KCNB2: variants seen among roughly 807,000 people sequenced by gnomAD.
The protein encoded by KCNB2 is delayed rectifier potassium channel protein.
In KCNB2, 15 loss-of-function variants were observed where a neutral mutation model predicts 61.5. That is an observed-to-expected ratio of 0.24 (90% confidence interval 0.16 to 0.38). KCNB2 has a LOEUF of 0.38. KCNB2 is among the 10% of genes least tolerant of loss of function. The probability of loss-of-function intolerance (pLI) is 1.00; values close to 1 mark genes in which losing one functional copy is unlikely to be tolerated. For missense variants in KCNB2, 828 were observed against 1,125.2 expected, an observed-to-expected ratio of 0.74 and a Z score of 3.78; for synonymous variants, 457 against 446.0, an observed-to-expected ratio of 1.02 and a Z score of -0.31.
intron 1 of KCNB2, among the ~76,000 whole-genome samples, chr8:72,559,735 G>A (rs1563522777): frequency 6.6e-6 from 1 of 152,216 alleles, no homozygotes; most frequent in Non-Finnish European, 1.5e-5. Context: ...ACTTCGTGTA[G>A]TTTGGATTAG....
intron 2 of KCNB2, among the ~76,000 whole-genome samples, chr8:72,590,486 T>C (rs1807078105): frequency 6.6e-6 from 1 of 152,204 alleles, no homozygotes; most frequent in African/African-American, 2.4e-5. Flanking sequence ...CAGCATATCA[T>C]ATGACATACG....
intron 2 of KCNB2, among the ~76,000 whole-genome samples, chr8:72,923,193 A>G (rs2129008378): frequency 6.6e-6 from 1 of 152,228 alleles, no homozygotes; most frequent in Non-Finnish European, 1.5e-5. Flanking sequence ...GCCTTCAGGT[A>G]GAAGGCTTCA....
chr8:72,615,115 A>G (rs1805597781), intron 2 of KCNB2, among the ~76,000 whole-genome samples: 1 of 152,204 alleles, frequency 6.6e-6, no homozygotes, highest in African/African-American at 2.4e-5. Context: ...CTGTCCAGAA[A>G]GCAGGAGCAT....
intron 2 of KCNB2, among the ~76,000 whole-genome samples, chr8:72,622,234 T>G (rs1189593106): frequency 6.6e-6 from 1 of 152,164 alleles, no homozygotes; most frequent in Admixed American, 6.6e-5. Context: ...GTTTGCATAG[T>G]TTCAATAGGT....
At chr8:72,634,173 C>A (rs1371389742) in intron 2 of KCNB2, among the ~76,000 whole-genome samples, 1 of 152,118 alleles carries the variant, frequency 6.6e-6, no homozygotes. Flanking sequence ...GAAGTTCAGG[C>A]TGAAATATAG....
intron 2 of KCNB2, among the ~76,000 whole-genome samples, chr8:72,890,340 G>A (rs1449120408): frequency 4.6e-5 from 7 of 152,168 alleles, no homozygotes; most frequent in African/African-American, 7.2e-5. Context: ...TGGCAGAGGC[G>A]GAGATTGAAC....
chr8:72,825,875 T>C (rs1809588262), intron 2 of KCNB2, among the ~76,000 whole-genome samples: 1 of 152,228 alleles, frequency 6.6e-6, no homozygotes, highest in African/African-American at 2.4e-5. Context: ...ATAGTGTCCT[T>C]TGACACATAA....
chr8:72,774,647 C>T (rs1808616525), intron 2 of KCNB2, among the ~76,000 whole-genome samples: 1 of 152,020 alleles, frequency 6.6e-6, no homozygotes, highest in South Asian at 2.1e-4. Context: ...CCGCACCCAG[C>T]CCTGTCATCT....
At chr8:72,935,810 T>C (rs909477416) in intron 2 of KCNB2, 125 bp from the exon 3 acceptor site, 8 of 715,134 alleles carry the variant, frequency 1.1e-5, no homozygotes, top group Non-Finnish European at 9.8e-6. Flanking sequence ...TAAAATTACC[T>C]TCTTATAATC....
chr8:72,602,661 T>C (rs925426405), intron 2 of KCNB2, among the ~76,000 whole-genome samples: 2 of 152,134 alleles, frequency 1.3e-5, no homozygotes, highest in Admixed American at 1.3e-4. Context: ...TTTTATGGGT[T>C]GGGAATTCAG....
intron 2 of KCNB2, among the ~76,000 whole-genome samples, chr8:72,874,674 C>T (rs1255579569): frequency 1.3e-5 from 2 of 152,190 alleles, no homozygotes; most frequent in East Asian, 1.9e-4. Flanking sequence ...GCTCAGCTGC[C>T]GGAACCAAAC....
At chr8:72,729,815 G>A (rs914961518) in intron 2 of KCNB2, among the ~76,000 whole-genome samples, 2 of 151,916 alleles carry the variant, frequency 1.3e-5, no homozygotes, top group South Asian at 2.1e-4. Context: ...CCCGGGAGGC[G>A]GGGCTTGCGG....
chr8:72,832,404 G>T (rs1381919230), intron 2 of KCNB2, among the ~76,000 whole-genome samples: 1 of 152,128 alleles, frequency 6.6e-6, no homozygotes, highest in Admixed American at 6.5e-5. Context: ...AGTTTTAGAA[G>T]GATTGGAGGC....
intron 2 of KCNB2, among the ~76,000 whole-genome samples, chr8:72,773,559 G>A (rs1185116361): frequency 6.6e-6 from 1 of 152,158 alleles, no homozygotes. Context: ...AGATAGTAGA[G>A]GTTTTGCTCA....
chr8:72,767,050 C>T (rs1563379124), intron 2 of KCNB2, among the ~76,000 whole-genome samples: 1 of 152,098 alleles, frequency 6.6e-6, no homozygotes, highest in Non-Finnish European at 1.5e-5. Context: ...GACTTATTCA[C>T]TATCACGAGA....
intron 2 of KCNB2, among the ~76,000 whole-genome samples, chr8:72,657,954 C>G (rs1806318243): frequency 6.6e-6 from 1 of 152,186 alleles, no homozygotes; most frequent in Admixed American, 6.5e-5. Context: ...TCGATCAGCT[C>G]TTCCTCCATC....
intron 2 of KCNB2, among the ~76,000 whole-genome samples, chr8:72,783,682 G>T (rs1201296628): frequency 6.6e-6 from 1 of 152,136 alleles, no homozygotes; most frequent in Non-Finnish European, 1.5e-5. Context: ...TTGCTTGCTT[G>T]CTGTCATCCA....
intron 2 of KCNB2, among the ~76,000 whole-genome samples, chr8:72,835,666 C>A (rs1179016559): frequency 1.3e-5 from 2 of 152,166 alleles, no homozygotes; most frequent in African/African-American, 4.8e-5. Context: ...AAGTACAAAT[C>A]ACATATGGCA....
At chr8:72,897,088 A>G (rs769659974) in intron 2 of KCNB2, among the ~76,000 whole-genome samples, 3 of 152,036 alleles carry the variant, frequency 2.0e-5, no homozygotes, top group South Asian at 2.1e-4. Flanking sequence ...TTTTTATTCC[A>G]TCATTACAAT....
Sources: allele counts gnomAD v4.1 joint callset (sites outside exome capture counted in the v4.1 genomes callset), GRCh38; gene constraint gnomAD v4.1.1; transcripts MANE v1.5; gene names NCBI Gene and HGNC (gene_info 2026-07-23, HGNC 2026-07-21).